CNTNAP2: variants seen among roughly 807,000 people sequenced by gnomAD.
The protein encoded by CNTNAP2 is contactin-associated protein-like 2.
A neutral mutation model predicts 155.2 loss-of-function variants in CNTNAP2; 98 were observed. That is an observed-to-expected ratio of 0.63 (90% confidence interval 0.54 to 0.75). The LOEUF is 0.75. Among genes scored for constraint, CNTNAP2 ranks in the 30% least tolerant of loss-of-function variants. CNTNAP2 has a pLI of 0.00. For synonymous variants in CNTNAP2, 651 were observed against 631.2 expected (o/e 1.03, Z -0.47); for missense variants, 1,727 against 1,688.1 (o/e 1.02, Z -0.40).
chr7:148,147,031 T>C (rs997653440), intron 16 of CNTNAP2, among the ~76,000 whole-genome samples: 1 of 152,178 alleles, frequency 6.6e-6, no homozygotes, highest in African/African-American at 2.4e-5. Context: ...TCAAGAGATC[T>C]CCAGGTGACT....
Position 147,588,986 on chromosome 7 carries a change from G to A in CNTNAP2, c.1897+26729G>A, listed in dbSNP as rs566249555. ...ATGTTGATTACTTCATGGAGAGGGT[G>A]ATTGGCTTTTGAAACCCTAAGTGAA... On this transcript the variant is annotated intron_variant, in intron 12 of 23. Transcript: ENST00000361727. 6.8e-4 allele frequency among the ~76,000 whole-genome samples: 104 copies of A among 152,254 alleles called. 1 individual carries two copies. The South Asian group carries it at 0.021, about 30-fold the overall frequency.
At chr7:147,726,972 C>T (rs540073995) in intron 13 of CNTNAP2, among the ~76,000 whole-genome samples, 48 of 151,870 alleles carry the variant, frequency 3.2e-4, no homozygotes, top group Non-Finnish European at 6.3e-4. Context: ...TGCTGTTTCA[C>T]TGTTACAGTA....
chr7:147,040,555 G>A (rs1799241215), intron 3 of CNTNAP2, among the ~76,000 whole-genome samples: 1 of 149,284 alleles, frequency 6.7e-6, no homozygotes, highest in Admixed American at 6.8e-5. Context: ...CTGCCTCCTG[G>A]GTTCAAGTGA....
In CNTNAP2 at chr7:148,163,147, T is replaced by C. The variant is rs146444318; in HGVS notation, c.2774-9095T>C. Among the ~76,000 whole-genome samples, 573 of 152,346 alleles carry C rather than the reference T, an allele frequency of 3.8e-3. 2 individuals are homozygous for C. Among genetic ancestry groups the C allele is most frequent in the Middle Eastern group, 6.8e-3 (2 of 294 alleles). ...GGAGAAGAAAGTGCCTTATATGATG[T>C]AAGCCCAAAAATCAAACGGTGGCCA... On this transcript the variant is annotated intron_variant, in intron 17 of 23. Transcript: ENST00000361727.
chr7:146,677,001 G>T (rs980931433), intron 1 of CNTNAP2, among the ~76,000 whole-genome samples: 1 of 152,174 alleles, frequency 6.6e-6, no homozygotes, highest in South Asian at 2.1e-4. Flanking sequence ...TATTTTGCAA[G>T]GTTAAGGACA....
chr7:146,638,662 T>G (rs1208233399), intron 1 of CNTNAP2, among the ~76,000 whole-genome samples: 1 of 151,580 alleles, frequency 6.6e-6, no homozygotes, highest in Non-Finnish European at 1.5e-5. Context: ...TTTTTTTGTA[T>G]TTTTAGTAGA....
intron 13 of CNTNAP2, among the ~76,000 whole-genome samples, chr7:147,749,849 A>T (rs1797106298): frequency 6.6e-6 from 1 of 152,222 alleles, no homozygotes; most frequent in African/African-American, 2.4e-5. Flanking sequence ...ATAGTATTTC[A>T]TCTGGCAATT....
intron 9 of CNTNAP2, among the ~76,000 whole-genome samples, chr7:147,325,444 C>A (rs116228960): frequency 6.6e-6 from 1 of 151,994 alleles, no homozygotes; most frequent in African/African-American, 2.4e-5. Flanking sequence ...TTTAATTATG[C>A]GGTTCTTGCT....
At chr7:148,085,540 G>A (rs1398614109) in intron 15 of CNTNAP2, among the ~76,000 whole-genome samples, 1 of 152,002 alleles carries the variant, frequency 6.6e-6, no homozygotes, top group East Asian at 1.9e-4. Context: ...GAATACCCGT[G>A]TTTTTCAGCT....
At chr7:147,709,678 C>A (rs181953338) in intron 13 of CNTNAP2, among the ~76,000 whole-genome samples, 1 of 152,192 alleles carries the variant, frequency 6.6e-6, no homozygotes, top group Non-Finnish European at 1.5e-5. Context: ...GTTAGAGTCC[C>A]TAGAAAATAG....
chr7:147,241,140 G>A (rs921301180), intron 8 of CNTNAP2, among the ~76,000 whole-genome samples: 7 of 152,132 alleles, frequency 4.6e-5, no homozygotes, highest in African/African-American at 1.7e-4. Context: ...GTTGCTTCAA[G>A]GTACAAGAAT....
intron 1 of CNTNAP2, among the ~76,000 whole-genome samples, chr7:146,152,741 G>A (rs535499724): frequency 2.0e-5 from 3 of 152,048 alleles, no homozygotes; most frequent in Non-Finnish European, 4.4e-5. Context: ...GAAAATCTCT[G>A]CTAGATTGAA....
At chr7:146,868,624 A>G (rs1795249024) in intron 3 of CNTNAP2, among the ~76,000 whole-genome samples, 1 of 152,112 alleles carries the variant, frequency 6.6e-6, no homozygotes, top group Non-Finnish European at 1.5e-5. Flanking sequence ...CATATTAATG[A>G]TATTGATTCT....
Position 146,612,180 on chromosome 7 carries a change from C to T in CNTNAP2, c.98-162091C>T, listed in dbSNP as rs376739229. Among the ~76,000 whole-genome samples, 366 of 151,992 alleles carry T rather than the reference C, an allele frequency of 2.4e-3. 2 individuals are homozygous for T. Among genetic ancestry groups the T allele is most frequent in the African/African-American group, 8.2e-3 (339 of 41,432 alleles). On this transcript the variant is annotated intron_variant, in intron 1 of 23. Transcript: ENST00000361727. ...AGCCTAGAATAATCCCTAGTAGATACGACAAACATTTAATAAAAATAGTTA... is the reference window on the plus strand; with the variant it reads ...AGCCTAGAATAATCCCTAGTAGATATGACAAACATTTAATAAAAATAGTTA...
At chr7:146,859,851 G>A (rs945226327) in intron 3 of CNTNAP2, among the ~76,000 whole-genome samples, 2 of 152,042 alleles carry the variant, frequency 1.3e-5, no homozygotes, top group African/African-American at 4.8e-5. Flanking sequence ...ACCAAAGATA[G>A]AGTAAAAGGA....
chr7:148,398,958 A>G (rs1413748461), intron 22 of CNTNAP2, among the ~76,000 whole-genome samples: 1 of 152,212 alleles, frequency 6.6e-6, no homozygotes, highest in African/African-American at 2.4e-5. Flanking sequence ...TAATTTTCTC[A>G]GCCACCCTCT....
chr7:146,876,698 G>C (rs1562983451), intron 3 of CNTNAP2, among the ~76,000 whole-genome samples: 2 of 152,014 alleles, frequency 1.3e-5, no homozygotes, highest in Admixed American at 6.6e-5. Flanking sequence ...GATCACCCTG[G>C]GTCATTGGAT....
intron 1 of CNTNAP2, among the ~76,000 whole-genome samples, chr7:146,473,985 C>A (rs558724614): frequency 6.6e-6 from 1 of 152,222 alleles, no homozygotes; most frequent in South Asian, 2.1e-4. Flanking sequence ...AGAATCTGAC[C>A]TAGCTAACTG....
In CNTNAP2 at chr7:146,163,255, C is replaced by T. The variant is rs1798252941; in HGVS notation, c.97+46282C>T. On this transcript the variant is annotated intron_variant, in intron 1 of 23. Coordinates refer to ENST00000361727, the MANE Select transcript of CNTNAP2 (RefSeq NM_014141.6). ...ATAAAATTTTCTTTGTTACATTCTT[C>T]ATCAGTTCTCAAAATATCATCTAAA... Among the ~76,000 whole-genome samples the T allele has an allele frequency of 1.3e-5, 2 of 151,572 alleles. 1 individual carries two copies. Among genetic ancestry groups the T allele is most frequent in the South Asian group, 4.2e-4 (2 of 4,814 alleles).
Sources: gnomAD v4.1 joint callset for allele counts (sites outside exome capture counted in the v4.1 genomes callset) on GRCh38, gnomAD v4.1.1 for gene constraint, MANE v1.5 for transcripts, NCBI Gene and HGNC (gene_info 2026-07-23, HGNC 2026-07-21) for gene names.